The following LRRC4C variants were observed in gnomAD, a reference collection of about 807,000 sequenced individuals.
LRRC4C encodes the protein leucine-rich repeat-containing protein 4C.
In LRRC4C, 5 loss-of-function variants were observed where a neutral mutation model predicts 33.6. The ratio of observed to expected loss-of-function variants is 0.15; its 90% CI spans 0.08 to 0.31. The LOEUF (loss-of-function observed/expected upper bound fraction) is 0.31, where lower values mean the gene tolerates loss of function less well. LRRC4C is among the 10% of genes least tolerant of loss of function. LRRC4C has a pLI of 1.00. For missense variants in LRRC4C, 560 were observed against 796.7 expected (o/e 0.70, Z 3.58); for synonymous variants, 329 against 302.0 (o/e 1.09, Z -0.93).
chr11:40,844,878 GT>G (rs1953084618), intron 2 of LRRC4C, among the ~76,000 whole-genome samples: 1 of 152,240 alleles, frequency 6.6e-6, no homozygotes, highest in Non-Finnish European at 1.5e-5. Context: ...ATAAGGATAT[GT>G]GATAATGTAT....
At chr11:41,376,067 A>G (rs1346262972) in intron 1 of LRRC4C, among the ~76,000 whole-genome samples, 1 of 151,962 alleles carries the variant, frequency 6.6e-6, no homozygotes, top group Non-Finnish European at 1.5e-5. Flanking sequence ...AAATCTAAAA[A>G]TGAGAAGACT....
intron 3 of LRRC4C, among the ~76,000 whole-genome samples, chr11:40,630,456 C>G (rs551846303): frequency 1.3e-4 from 20 of 149,562 alleles, no homozygotes; most frequent in African/African-American, 4.5e-4. Context: ...ACCACTACTA[C>G]CACTTTGTCC....
At chr11:40,466,474 G>A (rs1952657739) in intron 3 of LRRC4C, among the ~76,000 whole-genome samples, 5 of 151,512 alleles carry the variant, frequency 3.3e-5, no homozygotes, top group Admixed American at 3.3e-4. Flanking sequence ...TACTATGCTT[G>A]GAAAATAAAG....
intron 1 of LRRC4C, among the ~76,000 whole-genome samples, chr11:41,137,711 C>T (rs1943327104): frequency 6.6e-6 from 1 of 152,082 alleles, no homozygotes; most frequent in South Asian, 2.1e-4. Flanking sequence ...ATAAATAAAA[C>T]AAACAAGGTA....
chr11:40,611,046 A>G (rs1254497868), intron 3 of LRRC4C, among the ~76,000 whole-genome samples: 2 of 151,894 alleles, frequency 1.3e-5, no homozygotes, highest in Admixed American at 6.6e-5. Flanking sequence ...ATATGGAACC[A>G]CAAAGGATCC....
intron 3 of LRRC4C, among the ~76,000 whole-genome samples, chr11:40,362,926 A>G (rs1948024952): frequency 6.6e-6 from 1 of 152,184 alleles, no homozygotes; most frequent in African/African-American, 2.4e-5. Context: ...AGATGCTGTC[A>G]AGGTTGTAAA....
At chr11:40,517,786 A>G (rs1264013262) in intron 3 of LRRC4C, among the ~76,000 whole-genome samples, 1 of 152,168 alleles carries the variant, frequency 6.6e-6, no homozygotes, top group Non-Finnish European at 1.5e-5. Flanking sequence ...GTACCAAAAA[A>G]GAGCCCGCAG....
chr11:40,273,723 G>A (rs1942880693), intron 4 of LRRC4C, among the ~76,000 whole-genome samples: 1 of 152,116 alleles, frequency 6.6e-6, no homozygotes, highest in Admixed American at 6.6e-5. Flanking sequence ...ACACAGTTCT[G>A]TGACAAATGG....
At chr11:40,508,156 AGAATGGGCCCAACTATGTAC>A (rs1308101479) in intron 3 of LRRC4C, among the ~76,000 whole-genome samples, 9 of 152,238 alleles carry the variant, frequency 5.9e-5, no homozygotes, top group Non-Finnish European at 1.2e-4. Context: ...TTATAAGTAT[AGAATGGGCCCAACTATGTAC>A]AAAATATATT....
chr11:40,739,492 A>G (rs919547360), intron 2 of LRRC4C, among the ~76,000 whole-genome samples: 52 of 151,506 alleles, frequency 3.4e-4, no homozygotes, highest in African/African-American at 1.2e-3. Flanking sequence ...ATTAATATAT[A>G]CATAGACAAT....
intron 1 of LRRC4C, among the ~76,000 whole-genome samples, chr11:41,049,502 T>C (rs1565335488): frequency 6.6e-6 from 1 of 152,182 alleles, no homozygotes; most frequent in South Asian, 2.1e-4. Flanking sequence ...GTTAATTTCA[T>C]TGATGTTTAT....
intron 5 of LRRC4C, among the ~76,000 whole-genome samples, chr11:40,147,648 T>TA (rs555100856): frequency 1.3e-4 from 20 of 150,724 alleles, no homozygotes; most frequent in East Asian, 1.9e-4. Context: ...AATAAATAAT[T>TA]AAAAAAAAAG....
At chr11:40,119,902 C>T (rs1194413756) in intron 6 of LRRC4C, among the ~76,000 whole-genome samples, 1 of 152,172 alleles carries the variant, frequency 6.6e-6, no homozygotes, top group Admixed American at 6.5e-5. Flanking sequence ...AATCACCCCA[C>T]GTCCACTTAC....
chr11:40,382,861 T>C (rs1007281613), intron 3 of LRRC4C, among the ~76,000 whole-genome samples: 1 of 151,636 alleles, frequency 6.6e-6, no homozygotes, highest in Non-Finnish European at 1.5e-5. Flanking sequence ...GCCCAGCTAA[T>C]TTTTTGTATT....
At chr11:40,737,325 T>C (rs1283356468) in intron 2 of LRRC4C, among the ~76,000 whole-genome samples, 3 of 152,244 alleles carry the variant, frequency 2.0e-5, no homozygotes, top group Non-Finnish European at 2.9e-5. Flanking sequence ...AAGGATGCCC[T>C]CTCTCACCAC....
At chr11:40,517,910 G>GAT (rs1955638678) in intron 3 of LRRC4C, among the ~76,000 whole-genome samples, 1 of 152,084 alleles carries the variant, frequency 6.6e-6, no homozygotes, top group African/African-American at 2.4e-5. Context: ...TACCAAAACA[G>GAT]ATATATAGAC....
chr11:41,128,248 G>A lies in LRRC4C; in HGVS notation c.-495-194525C>T, dbSNP rs185776874. On this transcript the variant is annotated intron_variant, in intron 1 of 6. Coordinates refer to ENST00000528697, the MANE Select transcript of LRRC4C (RefSeq NM_001258419.2). ...GAATAATTCCTTCATAATGGAAGTG[G>A]AGAATCTGTCATACCTCCAAAAAAA... is the stretch of plus-strand genomic sequence containing the variant. Among the ~76,000 whole-genome samples, 112 of 149,688 alleles carry A rather than the reference G, an allele frequency of 7.5e-4. 2 individuals are homozygous for A. In the East Asian group the frequency reaches 0.019, roughly 25 times the overall value.
intron 2 of LRRC4C, among the ~76,000 whole-genome samples, chr11:40,674,936 A>T: frequency 6.6e-6 from 1 of 152,224 alleles, no homozygotes; most frequent in East Asian, 1.9e-4. Context: ...TCACTGGCAG[A>T]ACCAGACTTC....
chr11:41,390,298 A>T (rs1953538678), intron 1 of LRRC4C, among the ~76,000 whole-genome samples: 1 of 151,904 alleles, frequency 6.6e-6, no homozygotes, highest in South Asian at 2.1e-4. Flanking sequence ...TAGGAGAAAC[A>T]ATCAGTCTTC....
Sources: gnomAD v4.1 joint callset for allele counts (sites outside exome capture counted in the v4.1 genomes callset) on GRCh38, gnomAD v4.1.1 for gene constraint, MANE v1.5 for transcripts, NCBI Gene and HGNC (gene_info 2026-07-23, HGNC 2026-07-21) for gene names.